The following POU6F2 variants were observed in gnomAD, a reference collection of about 807,000 sequenced individuals.
The protein encoded by POU6F2 is POU domain, class 6, transcription factor 2.
POU6F2 carries 31 observed loss-of-function variants against 71.3 expected under a neutral mutation model. That is an observed-to-expected ratio of 0.43 (90% CI 0.33 to 0.59). POU6F2 has a LOEUF of 0.59. POU6F2 is among the 20% of genes least tolerant of loss of function. The probability of loss-of-function intolerance (pLI) is 0.04; values close to 1 mark genes in which losing one functional copy is unlikely to be tolerated. For synonymous variants in POU6F2, 347 were observed against 355.7 expected (o/e 0.98, Z 0.27); for missense variants, 783 against 856.8 (o/e 0.91, Z 1.07).
chr7:39,133,288 T>C (rs1562718244), intron 2 of POU6F2, among the ~76,000 whole-genome samples: 1 of 152,194 alleles, frequency 6.6e-6, no homozygotes, highest in East Asian at 1.9e-4. Flanking sequence ...AATGTCCCCT[T>C]GTCAGAGAGC....
intron 4 of POU6F2, among the ~76,000 whole-genome samples, chr7:39,322,457 G>A (rs2128769326): frequency 6.6e-6 from 1 of 152,262 alleles, no homozygotes; most frequent in Admixed American, 6.5e-5. Flanking sequence ...GTCAGCCCTT[G>A]GTTAGGATGA....
chr7:39,155,547 G>T (rs1335179407), intron 2 of POU6F2, among the ~76,000 whole-genome samples: 1 of 152,146 alleles, frequency 6.6e-6, no homozygotes, highest in African/African-American at 2.4e-5. Context: ...AAGCTCTGAA[G>T]TTGCAAATAC....
intron 5 of POU6F2, among the ~76,000 whole-genome samples, chr7:39,343,355 T>C (rs1785960441): frequency 6.8e-6 from 1 of 146,036 alleles, no homozygotes; most frequent in African/African-American, 2.5e-5. Context: ...CTGTGTTTGA[T>C]AGAAGCAGAA....
rs759585386 is a variant in POU6F2 at position 39,464,177 on chromosome 7, C to G, written c.1659-5C>G. The G allele has an allele frequency of 6.2e-7, 1 of 1,612,664 alleles. No individual in the cohort carries two copies. The highest frequency in any genetic ancestry group is 1.7e-5 in the Admixed American group (1 of 59,950). On this transcript the variant is annotated splice_region_variant and splice_polypyrimidine_tract_variant and intron_variant, in intron 9 of 9. Coordinates refer to ENST00000518318, the MANE Select transcript of POU6F2 (RefSeq NM_001370959.1). This position sits in a 1 kb window ranked among gnomAD's most constrained non-coding sequence, Gnocchi z 4.1. ...AGACTGTTCTTTCTCAATTTTCCCC[C>G]CCAGACACACCATCCTGAGAAGCCA... is the stretch of plus-strand genomic sequence containing the variant.
intron 5 of POU6F2, among the ~76,000 whole-genome samples, chr7:39,384,085 G>A (rs1265030689): frequency 2.0e-5 from 3 of 152,342 alleles, no homozygotes; most frequent in East Asian, 1.9e-4. Flanking sequence ...TGATCCTGAA[G>A]CTGATTCAAT....
At chr7:39,075,794 C>T (rs1790990032) in intron 1 of POU6F2, among the ~76,000 whole-genome samples, 1 of 152,226 alleles carries the variant, frequency 6.6e-6, no homozygotes, top group Non-Finnish European at 1.5e-5. Flanking sequence ...TCTGTGCACA[C>T]CTGGGTTCCC....
intron 1 of POU6F2, among the ~76,000 whole-genome samples, chr7:39,069,431 G>A (rs997816538): frequency 1.3e-5 from 2 of 152,160 alleles, no homozygotes; most frequent in African/African-American, 2.4e-5. Context: ...TTCATTTTCT[G>A]ACGAGCTCAA....
intron 1 of POU6F2, among the ~76,000 whole-genome samples, chr7:39,041,517 T>A (rs1391773067): frequency 6.6e-6 from 1 of 151,954 alleles, no homozygotes; most frequent in Admixed American, 6.6e-5. Flanking sequence ...TTTCTAATTT[T>A]ATAGGCAAAA....
chr7:39,252,017 A>G (rs1232223879), intron 4 of POU6F2, among the ~76,000 whole-genome samples: 1 of 152,114 alleles, frequency 6.6e-6, no homozygotes, highest in Non-Finnish European at 1.5e-5. Context: ...CCTGTGTCTA[A>G]AAATTGTTCC....
chr7:39,029,866 C>T (rs570947325), intron 1 of POU6F2, among the ~76,000 whole-genome samples: 6 of 151,990 alleles, frequency 3.9e-5, no homozygotes, highest in Non-Finnish European at 8.8e-5. Context: ...TTAAGCCACT[C>T]TTGTATTTCT....
chr7:39,255,944 T>A (rs1292976153), intron 4 of POU6F2, among the ~76,000 whole-genome samples: 1 of 152,186 alleles, frequency 6.6e-6, no homozygotes, highest in African/African-American at 2.4e-5. Context: ...GCTGAATTAA[T>A]AGATTGCTCC....
At chr7:39,085,746 G>A in intron 1 of POU6F2, 114 bp from the exon 2 acceptor site, 1 of 1,059,576 alleles carries the variant, frequency 9.4e-7, no homozygotes, top group South Asian at 1.5e-5. Flanking sequence ...AGGAGAGAGG[G>A]AGAGTGTGTG....
intron 4 of POU6F2, among the ~76,000 whole-genome samples, chr7:39,236,703 A>G (rs1180993249): frequency 6.6e-6 from 1 of 152,154 alleles, no homozygotes; most frequent in Admixed American, 6.5e-5. Context: ...TTTATCATAC[A>G]TCGTTTTAGA....
At chr7:39,374,016 G>T (rs977292234) in intron 5 of POU6F2, among the ~76,000 whole-genome samples, 1 of 152,130 alleles carries the variant, frequency 6.6e-6, no homozygotes, top group Non-Finnish European at 1.5e-5. Context: ...TGATCACATG[G>T]TTATTAAAGT....
At chr7:39,365,093 T>A (rs983725773) in intron 5 of POU6F2, among the ~76,000 whole-genome samples, 1 of 152,162 alleles carries the variant, frequency 6.6e-6, no homozygotes, top group East Asian at 1.9e-4. Flanking sequence ...ATTCATGCCC[T>A]TAGCCCAAAT....
chr7:39,357,340 G>T (rs1583548197), intron 5 of POU6F2, among the ~76,000 whole-genome samples: 1 of 152,150 alleles, frequency 6.6e-6, no homozygotes, highest in Non-Finnish European at 1.5e-5. Flanking sequence ...CACTGTCCTA[G>T]GTGTTTTGGG....
chr7:39,447,700 C>A (rs962673611), intron 7 of POU6F2, among the ~76,000 whole-genome samples: 2 of 152,162 alleles, frequency 1.3e-5, no homozygotes, highest in African/African-American at 2.4e-5. Context: ...ATCTAAGTTT[C>A]CCTTTCCCTC....
intron 2 of POU6F2, among the ~76,000 whole-genome samples, chr7:39,151,045 C>CT (rs922787382): frequency 7.4e-5 from 11 of 149,440 alleles, no homozygotes; most frequent in Admixed American, 1.3e-4. Context: ...ACTTTTTTCA[C>CT]TTTTTTTTTT....
At chr7:39,388,759 CTATT>C (rs1419493427) in intron 5 of POU6F2, among the ~76,000 whole-genome samples, 1 of 152,202 alleles carries the variant, frequency 6.6e-6, no homozygotes, top group Non-Finnish European at 1.5e-5. Context: ...GTGCGTCTAT[CTATT>C]CTGGTAAATT....
Sources: allele counts gnomAD v4.1 joint callset (sites outside exome capture counted in the v4.1 genomes callset), GRCh38; gene constraint gnomAD v4.1.1; non-coding constraint Gnocchi (gnomAD v3.1); transcripts MANE v1.5; gene names NCBI Gene and HGNC (gene_info 2026-07-23, HGNC 2026-07-21).